SUGP1: variants seen among roughly 807,000 people sequenced by gnomAD.
SUGP1 encodes the protein SURP and G-patch domain-containing protein 1.
In SUGP1, 34 loss-of-function variants were observed where a neutral mutation model predicts 76.5. That is an observed-to-expected ratio of 0.44 (90% CI 0.34 to 0.59). SUGP1 has a LOEUF of 0.59. SUGP1 is among the 20% of genes least tolerant of loss of function. The pLI is 0.01. For missense variants in SUGP1, 752 were observed against 851.7 expected (o/e 0.88, Z 1.46); for synonymous variants, 326 against 326.2 (o/e 1.00, Z 0.01).
intron 3 of SUGP1, 119 bp downstream of exon 3, chr19:19,309,978 G>A: frequency 1.5e-6 from 1 of 682,024 alleles, no homozygotes; most frequent in Non-Finnish European, 2.6e-6. Context: ...GTGGAATGAG[G>A]GCGATCTATG....
chr19:19,298,959 C>G (rs1401518534), intron 7 of SUGP1, among the ~76,000 whole-genome samples: 1 of 152,128 alleles, frequency 6.6e-6, no homozygotes, highest in African/African-American at 2.4e-5. Flanking sequence ...CAATGGCACT[C>G]AATGGTAGAC....
chr19:19,278,597 T>C (rs1041548946), intron 11 of SUGP1, 93 bp downstream of exon 11: 16 of 1,094,810 alleles, frequency 1.5e-5, no homozygotes, highest in Non-Finnish European at 2.0e-5. Flanking sequence ...ATCGAGAGGG[T>C]AGCCAGGCTA....
At position 19,288,399 on chromosome 19, in the gene SUGP1, C is replaced by T. The variant is rs144637896; in HGVS notation, c.1244-8108G>A. Among the ~76,000 whole-genome samples, 494 of 152,216 alleles carry T rather than the reference C, an allele frequency of 3.2e-3. 6 individuals are homozygous for T. In the East Asian group the frequency reaches 0.057, roughly 18 times the overall value. ...CTTATTTTATTATAAGAATATAGTA[C>T]ATAATACATATAACATATAAAAAGC... On this transcript the variant is annotated intron_variant, in intron 8 of 13. Transcript: ENST00000247001.
chr19:19,311,156 C>T lies in SUGP1; in HGVS notation c.207-956G>A, dbSNP rs1332412007. Among the ~76,000 whole-genome samples the T allele has an allele frequency of 2.0e-5, 3 of 151,106 alleles. No individual in the cohort carries two copies. In the East Asian group the frequency reaches 5.8e-4, roughly 29 times the overall value. ...ATGGTCCCACCTCAGCCTCCCAAGT[C>T]ACTAGGACTAAAGGCATGTGACACT... is the stretch of plus-strand genomic sequence containing the variant. On this transcript the variant is annotated intron_variant, in intron 2 of 13. Coordinates refer to ENST00000247001, the MANE Select transcript of SUGP1 (RefSeq NM_172231.4).
chr19:19,279,075 C>T, intron 10 of SUGP1, 138 bp downstream of exon 10: 1 of 1,030,464 alleles, frequency 9.7e-7, no homozygotes. Context: ...CTCCAGGCCT[C>T]ACAGCCACAG....
At chr19:19,280,121 G>C in intron 9 of SUGP1, 64 bp downstream of exon 9, 1 of 1,480,010 alleles carries the variant, frequency 6.8e-7, no homozygotes, top group Non-Finnish European at 9.4e-7. Flanking sequence ...CTGCACCCGG[G>C]GGTAGAGGAC....
chr19:19,279,537 C>A, intron 9 of SUGP1, 147 bp from the exon 10 acceptor site: 1 of 855,642 alleles, frequency 1.2e-6, no homozygotes, highest in Non-Finnish European at 1.8e-6. Flanking sequence ...AGGACTCTAG[C>A]AAGTACTGAG....
chr19:19,319,708 A>AAT (rs2061424404), intron 1 of SUGP1, among the ~76,000 whole-genome samples: 1 of 133,798 alleles, frequency 7.5e-6, no homozygotes. Flanking sequence ...CCCTGTCTCA[A>AAT]AAAAAAAAAA....
At chr19:19,292,373 A>G (rs1328388826) in intron 8 of SUGP1, among the ~76,000 whole-genome samples, 2 of 152,148 alleles carry the variant, frequency 1.3e-5, no homozygotes, top group African/African-American at 4.8e-5. Flanking sequence ...GGCTAGGATT[A>G]GCCTGATACC....
At chr19:19,317,810 T>A (rs2061405576) in intron 1 of SUGP1, among the ~76,000 whole-genome samples, 2 of 142,272 alleles carry the variant, frequency 1.4e-5, no homozygotes, top group Non-Finnish European at 3.1e-5. Flanking sequence ...CCCAGTGGCT[T>A]TTTTTTTTTT....
At chr19:19,286,570 A>C (rs541835868) in intron 8 of SUGP1, among the ~76,000 whole-genome samples, 1 of 152,278 alleles carries the variant, frequency 6.6e-6, no homozygotes, top group African/African-American at 2.4e-5. Flanking sequence ...ATTTCAAAAG[A>C]TAGATCTTGG....
chr19:19,317,041 G>A (rs1230849249), intron 1 of SUGP1, among the ~76,000 whole-genome samples: 1 of 151,988 alleles, frequency 6.6e-6, no homozygotes, highest in African/African-American at 2.4e-5. Context: ...GGGAGGCCGA[G>A]GCAGGAAAAT....
At chr19:19,291,933 A>ACACAC (rs71170610) in intron 8 of SUGP1, among the ~76,000 whole-genome samples, 23 of 146,802 alleles carry the variant, frequency 1.6e-4, no homozygotes, top group East Asian at 2.0e-4. Context: ...ACACACACAC[A>ACACAC]AAAGGGCCAA....
At chr19:19,286,710 C>A (rs2061142800) in intron 8 of SUGP1, among the ~76,000 whole-genome samples, 1 of 151,930 alleles carries the variant, frequency 6.6e-6, no homozygotes, top group African/African-American at 2.4e-5. Flanking sequence ...TAACAAATCT[C>A]TTGTCTCTAT....
chr19:19,292,962 A>C (rs1219518853), intron 8 of SUGP1, among the ~76,000 whole-genome samples: 4 of 151,902 alleles, frequency 2.6e-5, no homozygotes, highest in African/African-American at 9.7e-5. Flanking sequence ...GCTGGAGTGC[A>C]GTTGCTCAAT....
At chr19:19,294,014 A>G (rs2061205730) in intron 8 of SUGP1, among the ~76,000 whole-genome samples, 1 of 151,908 alleles carries the variant, frequency 6.6e-6, no homozygotes, top group African/African-American at 2.4e-5. Flanking sequence ...GTGGGACCTC[A>G]TATCGACACA....
chr19:19,313,009 A>T lies in SUGP1; in HGVS notation c.207-2809T>A, dbSNP rs530496407. 2.3e-3 allele frequency among the ~76,000 whole-genome samples: 353 copies of T among 151,564 alleles called. 3 individuals are homozygous for T. The highest frequency in any genetic ancestry group is 0.01 in the Middle Eastern group (3 of 290). ...CATCTCAAAAAAAAAATAAATAAAT[A>T]AAATAAATAAATAAAAAAAAACAAA... On this transcript the variant is annotated intron_variant, in intron 2 of 13. Transcript: ENST00000247001.
At chr19:19,285,617 G>A (rs183172596) in intron 8 of SUGP1, among the ~76,000 whole-genome samples, 1 of 152,306 alleles carries the variant, frequency 6.6e-6, no homozygotes, top group African/African-American at 2.4e-5. Context: ...CCAGGCTGGA[G>A]TGCAATGGCG....
Position 19,297,233 on chromosome 19 carries a change from G to A in SUGP1, c.999C>T (p.Gly333=). The A allele has an allele frequency of 6.3e-7, 1 of 1,595,820 alleles. No individual in the cohort carries two copies. Among genetic ancestry groups the A allele is most frequent in the Non-Finnish European group, 8.6e-7 (1 of 1,167,016 alleles). ...CCTCAGGAGGGGACTTGCGCTTCAGGCCGGGATCAGGTGCTGTGAAGCTGC... is the reference window on the plus strand; with the variant it reads ...CCTCAGGAGGGGACTTGCGCTTCAGACCGGGATCAGGTGCTGTGAAGCTGC... ...STGSFTAPDP[G]LKRKSPPEAL... is the part of the protein sequence containing the mutation. The change falls in exon 8 of 14, where the codon GGC becomes GGT. Residue 333 remains glycine (G), a synonymous_variant. Transcript: ENST00000247001.
Sources: allele counts gnomAD v4.1 joint callset (sites outside exome capture counted in the v4.1 genomes callset), GRCh38; gene constraint gnomAD v4.1.1; transcripts MANE v1.5; gene names NCBI Gene and HGNC (gene_info 2026-07-23, HGNC 2026-07-21).